The following SNX14 variants were observed in gnomAD, a reference collection of about 807,000 sequenced individuals.
SNX14 encodes sorting nexin 14, also known as sorting nexin-14.
A neutral mutation model predicts 133.8 loss-of-function variants in SNX14; 93 were observed. The observed-to-expected ratio is 0.70, with a 90% CI of 0.59 to 0.83. The LOEUF is 0.83. SNX14 is among the 40% of genes least tolerant of loss of function. The probability of loss-of-function intolerance (pLI) is 0.00; values close to 1 mark genes in which losing one functional copy is unlikely to be tolerated. For missense variants in SNX14, 945 were observed against 1,094.9 expected (o/e 0.86, Z 1.93); for synonymous variants, 368 against 365.6 (o/e 1.01, Z -0.07).
At position 85,571,100 on chromosome 6, in the gene SNX14, C is replaced by A. The variant is rs189855747; in HGVS notation, c.417+1037G>T. ...CGGCATGGTGGCTCACGCCTGTAAA[C>A]CCAGCACTTTGGGAGGCCGACGTGG... is the stretch of plus-strand genomic sequence containing the variant. On this transcript the variant is annotated intron_variant, in intron 4 of 28. Coordinates refer to ENST00000314673, the MANE Select transcript of SNX14 (RefSeq NM_153816.6). Among the ~76,000 whole-genome samples, 1,116 of 151,784 alleles carry A rather than the reference C, an allele frequency of 7.4e-3. 23 individuals carry two copies. The highest frequency in any genetic ancestry group is 0.064 in the South Asian group (308 of 4,808).
rs775515161 is a variant in SNX14, at chr6:85,526,140, G to C, written c.2093C>G (p.Pro698Arg). The C allele has an allele frequency of 2.5e-6, 4 of 1,581,928 alleles. No individual in the cohort carries two copies. Among genetic ancestry groups the C allele is most frequent in the Non-Finnish European group, 3.5e-6 (4 of 1,158,458 alleles). ...AATTGACTTACCAAGATTTACATCT[G>C]GTAGTATCTTATCAAGAAATTGTGT... ...GETQFLDKIL[P>R]DVNLGKIIKS... The change falls in exon 21 of 29, where the codon CCA (proline) becomes CGA (arginine). Residue 698 changes from proline to arginine, a missense_variant. Coordinates refer to ENST00000314673, the MANE Select transcript of SNX14 (RefSeq NM_153816.6).
chr6:85,549,879 A>C lies in SNX14; in HGVS notation c.635T>G (p.Val212Gly). The C allele has an allele frequency of 1.3e-6, 2 of 1,594,952 alleles. No homozygotes were observed. Among genetic ancestry groups the C allele is most frequent in the Non-Finnish European group, 1.7e-6 (2 of 1,172,538 alleles). Residue 212 changes from valine to glycine, a missense_variant and splice_region_variant, in exon 8 of 29, where the codon GTA becomes GGA. Around this residue, in one of 3 missense-constraint regions of SNX14, gnomAD observed 514 missense variants for 538.8 expected, o/e 0.95. Transcript: ENST00000314673. Reference sequence around the variant, plus strand: ...TTGCTGTAAAAACTCTGTATTTTTTACTATAGAGATTAAAGATAAATATTG... The same window carrying C: ...TTGCTGTAAAAACTCTGTATTTTTTCCTATAGAGATTAAAGATAAATATTG... ...IEVIVKARQK[V>G]KNTEFLQQAA...
Position 85,547,100 on chromosome 6 carries a change from G to A in SNX14, c.1108+12C>T, listed in dbSNP as rs770532656. 6.2e-7 allele frequency: 1 copy of A among 1,601,110 alleles called. No individual in the cohort carries two copies. Among genetic ancestry groups the A allele is most frequent in the Admixed American group, 1.7e-5 (1 of 58,836 alleles). On this transcript the variant is annotated intron_variant, in intron 12 of 28. Coordinates refer to ENST00000314673, the MANE Select transcript of SNX14 (RefSeq NM_153816.6). Reference sequence around the variant, plus strand: ...AAAAATTACTTTCGTAAAATACACAGGTAAGCCTCACCCACAGTCAAACAA... The same window carrying A: ...AAAAATTACTTTCGTAAAATACACAAGTAAGCCTCACCCACAGTCAAACAA...
intron 1 of SNX14, among the ~76,000 whole-genome samples, chr6:85,576,706 A>T (rs1252565321): frequency 3.9e-5 from 6 of 152,166 alleles, no homozygotes; most frequent in Non-Finnish European, 2.9e-5. Context: ...CAGTATTCCA[A>T]ATCCTGCTTC....
At chr6:85,534,716 A>T (rs757669565) in intron 17 of SNX14, among the ~76,000 whole-genome samples, 3 of 152,180 alleles carry the variant, frequency 2.0e-5, no homozygotes, top group Non-Finnish European at 4.4e-5. Flanking sequence ...CTTCCACAAA[A>T]AATTATGTTT....
intron 21 of SNX14, among the ~76,000 whole-genome samples, chr6:85,524,862 A>G (rs764291234): frequency 6.6e-6 from 1 of 152,064 alleles, no homozygotes. Context: ...TTAAAACAGA[A>G]TGGAGGCATG....
intron 4 of SNX14, chr6:85,568,482 C>A (rs556222547): frequency 6.6e-6 from 1 of 152,138 alleles, no homozygotes; most frequent in African/African-American, 2.4e-5. Context: ...AAAATTTTAC[C>A]TGTACACTCA....
At chr6:85,561,223 C>T (rs1791455515) in intron 6 of SNX14, 1 of 151,638 alleles carries the variant, frequency 6.6e-6, no homozygotes, top group Admixed American at 6.6e-5. Context: ...GCCTATAAGC[C>T]TGTAATCCCA....
At chr6:85,576,532 C>A (rs535592142) in intron 1 of SNX14, among the ~76,000 whole-genome samples, 2 of 152,186 alleles carry the variant, frequency 1.3e-5, no homozygotes, top group Non-Finnish European at 2.9e-5. Context: ...GAGTAAACTG[C>A]ATGAACTGGG....
chr6:85,538,215 A>G (rs571785419), intron 16 of SNX14, among the ~76,000 whole-genome samples: 56 of 152,336 alleles, frequency 3.7e-4, no homozygotes, highest in African/African-American at 1.3e-3. Context: ...AGTAGTAAGC[A>G]GTAAAAGGGG....
intron 21 of SNX14, among the ~76,000 whole-genome samples, chr6:85,520,229 G>A (rs1428724889): frequency 6.6e-6 from 1 of 151,130 alleles, no homozygotes; most frequent in African/African-American, 2.4e-5. Context: ...TTTTAGTAGA[G>A]ACAAGGATTC....
At position 85,543,229 on chromosome 6, in the gene SNX14, A is replaced by G; in HGVS notation, c.1342T>C (p.Ser448Pro). The change falls in exon 14 of 29, where the codon TCC becomes CCC. Residue 448 changes from serine to proline, a missense_variant. Physicochemically the swap from Ser to Pro is moderately conservative, Grantham distance 74. Transcript: ENST00000314673. ...CLFEAYEHVL[S>P]LLENVFTPMF... ...GGAGTAAATACATTCTCCAAAAGGG[A>G]AAGAACATGTTCATATGCTTCAAAA... is the stretch of plus-strand genomic sequence containing the variant. The G allele has an allele frequency of 6.2e-7, 1 of 1,603,322 alleles. No individual in the cohort carries two copies. Among genetic ancestry groups the G allele is most frequent in the Admixed American group, 1.7e-5 (1 of 58,168 alleles).
At chr6:85,569,943 T>C (rs1795040634) in intron 4 of SNX14, among the ~76,000 whole-genome samples, 1 of 152,198 alleles carries the variant, frequency 6.6e-6, no homozygotes, top group East Asian at 1.9e-4. Context: ...GTTTCAAGCC[T>C]CTCTTTCCTT....
chr6:85,544,531 G>T (rs1180591149), intron 12 of SNX14, among the ~76,000 whole-genome samples: 2 of 152,174 alleles, frequency 1.3e-5, no homozygotes, highest in African/African-American at 4.8e-5. Flanking sequence ...AGGTGTGGTG[G>T]CTCATGCCTG....
intron 4 of SNX14, among the ~76,000 whole-genome samples, chr6:85,569,517 C>A (rs903542698): frequency 5.9e-5 from 9 of 152,196 alleles, no homozygotes; most frequent in Non-Finnish European, 7.3e-5. Flanking sequence ...TCCCAGTGTA[C>A]CCTATGAGTC....
rs35183533 is a variant in SNX14, at chr6:85,538,330, C to A, written c.1475+508G>T. Among the ~76,000 whole-genome samples, 1,412 of 151,990 alleles carry A rather than the reference C, an allele frequency of 9.3e-3. 21 individuals carry two copies. The highest frequency in any genetic ancestry group is 0.06 in the Middle Eastern group (17 of 282). On this transcript the variant is annotated intron_variant, in intron 16 of 28. Coordinates refer to ENST00000314673, the MANE Select transcript of SNX14 (RefSeq NM_153816.6). ...TTGATTTAAAAAACATTTCCCAAGACATAAAAATGTTAACAAAATATTTTT... is the reference window on the plus strand; with the variant it reads ...TTGATTTAAAAAACATTTCCCAAGAAATAAAAATGTTAACAAAATATTTTT...
intron 21 of SNX14, among the ~76,000 whole-genome samples, chr6:85,520,573 G>A (rs1397959865): frequency 6.6e-6 from 1 of 151,442 alleles, no homozygotes; most frequent in South Asian, 2.1e-4. Flanking sequence ...GCTCACACTG[G>A]TCTTGAACTT....
At chr6:85,508,938 A>G (rs996568998) in intron 26 of SNX14, among the ~76,000 whole-genome samples, 1 of 152,210 alleles carries the variant, frequency 6.6e-6, no homozygotes, top group Non-Finnish European at 1.5e-5. Context: ...TAGGAGACAA[A>G]GCCAAATTTA....
chr6:85,593,562 C>T lies in SNX14; in HGVS notation c.140+17G>A. On this transcript the variant is annotated intron_variant, in intron 1 of 28. Coordinates refer to ENST00000314673, the MANE Select transcript of SNX14 (RefSeq NM_153816.6). The stretch of plus-strand genomic sequence containing the variant: ...TCGGAGAAAAGCCGCCGCCCAGGCT[C>T]CGCGCTGCGGCGTTACCTGTTAAGA... 1 of 1,601,024 alleles carries T rather than the reference C, an allele frequency of 6.2e-7. No homozygotes were observed. Among genetic ancestry groups the T allele is most frequent in the Admixed American group, 1.7e-5 (1 of 58,252 alleles).
Sources: allele counts gnomAD v4.1 joint callset (sites outside exome capture counted in the v4.1 genomes callset), GRCh38; gene constraint gnomAD v4.1.1; regional missense constraint gnomAD v4.1.1; transcripts MANE v1.5; gene names NCBI Gene and HGNC (gene_info 2026-07-23, HGNC 2026-07-21).